AGMO: variants seen among roughly 807,000 people sequenced by gnomAD.
AGMO encodes the protein alkylglycerol monooxygenase.
AGMO carries 75 observed loss-of-function variants against 60.2 expected under a neutral mutation model. The observed-to-expected ratio is 1.25, with a 90% CI of 1.03 to 1.51. The LOEUF is 1.51. Among genes scored for constraint, AGMO ranks in the 40% most tolerant of loss-of-function variants. AGMO has a pLI of 0.00. For synonymous variants in AGMO, 261 were observed against 177.1 expected (o/e 1.47, Z -3.76); for missense variants, 763 against 525.5 (o/e 1.45, Z -4.42).
chr7:15,532,530 A>G (rs1339623592), intron 3 of AGMO, among the ~76,000 whole-genome samples: 1 of 152,180 alleles, frequency 6.6e-6, no homozygotes, highest in Non-Finnish European at 1.5e-5. Context: ...AACCTAGTAA[A>G]TACTAATTAA....
intron 8 of AGMO, among the ~76,000 whole-genome samples, chr7:15,389,636 C>CAG (rs1295354749): frequency 6.6e-6 from 1 of 152,154 alleles, no homozygotes; most frequent in Non-Finnish European, 1.5e-5. Flanking sequence ...CACTGTGTAT[C>CAG]AGTTAAATTG....
chr7:15,153,185 T>G, the AGMO span, among the ~76,000 whole-genome samples: 266 of 5,056 alleles, frequency 0.053, 2 homozygotes, highest in African/African-American at 0.1. Flanking sequence ...GATAGGATTG[T>G]TTTTTTTTTT....
intron 12 of AGMO, among the ~76,000 whole-genome samples, chr7:15,340,651 G>T (rs921502440): frequency 6.6e-6 from 1 of 152,192 alleles, no homozygotes; most frequent in South Asian, 2.1e-4. Context: ...GCTCCATGTG[G>T]TGTTGGTCCT....
chr7:15,490,026 G>A (rs1005004719), intron 3 of AGMO, among the ~76,000 whole-genome samples: 14 of 152,048 alleles, frequency 9.2e-5, no homozygotes, highest in African/African-American at 3.4e-4. Context: ...CACACTGAAT[G>A]GAAAAATATC....
At chr7:15,294,449 A>T (rs1163194799) in intron 12 of AGMO, among the ~76,000 whole-genome samples, 1 of 151,992 alleles carries the variant, frequency 6.6e-6, no homozygotes, top group East Asian at 1.9e-4. Context: ...GTAGAATAAT[A>T]TTTAACATAC....
At chr7:15,277,676 G>C (rs1783841684) in intron 12 of AGMO, among the ~76,000 whole-genome samples, 1 of 151,426 alleles carries the variant, frequency 6.6e-6, no homozygotes, top group African/African-American at 2.4e-5. Flanking sequence ...TCAATCTATA[G>C]GCTAATAAAT....
At chr7:15,492,993 A>G (rs926973973) in intron 3 of AGMO, among the ~76,000 whole-genome samples, 1 of 152,154 alleles carries the variant, frequency 6.6e-6, no homozygotes, top group Non-Finnish European at 1.5e-5. Flanking sequence ...TTTTACTACT[A>G]TAATCAAAGC....
intron 3 of AGMO, among the ~76,000 whole-genome samples, chr7:15,484,549 A>G (rs1020679645): frequency 5.3e-5 from 8 of 152,320 alleles, no homozygotes; most frequent in African/African-American, 1.9e-4. Context: ...ACACTTTTGT[A>G]TATATGCCAT....
intron 3 of AGMO, among the ~76,000 whole-genome samples, chr7:15,452,058 G>T (rs952815770): frequency 1.3e-5 from 2 of 152,074 alleles, no homozygotes; most frequent in Admixed American, 6.6e-5. Flanking sequence ...CATCTACAAG[G>T]ATTCAAATAT....
intron 12 of AGMO, among the ~76,000 whole-genome samples, chr7:15,281,075 G>A (rs978650127): frequency 6.6e-6 from 1 of 152,138 alleles, no homozygotes; most frequent in Non-Finnish European, 1.5e-5. Context: ...CCTAGGGGAA[G>A]GGGGAATGCA....
chr7:15,491,776 G>A (rs1236533411), intron 3 of AGMO, among the ~76,000 whole-genome samples: 1 of 152,160 alleles, frequency 6.6e-6, no homozygotes, highest in African/African-American at 2.4e-5. Flanking sequence ...AGAGATGAAA[G>A]AAAAATTATC....
intron 12 of AGMO, among the ~76,000 whole-genome samples, chr7:15,203,649 CAT>C (rs2115467528): frequency 6.6e-6 from 1 of 152,138 alleles, no homozygotes; most frequent in Admixed American, 6.6e-5. Context: ...CACTGTCCCA[CAT>C]GCCTTTATTA....
At chr7:15,285,508 T>C (rs929294376) in intron 12 of AGMO, among the ~76,000 whole-genome samples, 7 of 151,866 alleles carry the variant, frequency 4.6e-5, no homozygotes, top group African/African-American at 1.7e-4. Context: ...TAGGATATAC[T>C]TAAACAAGGA....
chr7:15,294,442 GAAT>G (rs1425600578), intron 12 of AGMO, among the ~76,000 whole-genome samples: 1 of 151,268 alleles, frequency 6.6e-6, no homozygotes, highest in East Asian at 1.9e-4. Flanking sequence ...CATAAATGTA[GAAT>G]AATATTTAAC....
At chr7:15,424,764 GAA>G (rs986241612) in intron 4 of AGMO, among the ~76,000 whole-genome samples, 1 of 152,138 alleles carries the variant, frequency 6.6e-6, no homozygotes, top group Non-Finnish European at 1.5e-5. Context: ...AAAGTTCTGA[GAA>G]AAGTTTTGTT....
downstream of AGMO, among the ~76,000 whole-genome samples, chr7:15,197,616 T>A (rs1781152806): frequency 1.3e-5 from 2 of 152,224 alleles, no homozygotes; most frequent in Non-Finnish European, 2.9e-5. Context: ...TGGAGGAAAC[T>A]GACAAGTCCT....
intron 3 of AGMO, among the ~76,000 whole-genome samples, chr7:15,517,106 C>A (rs1242572817): frequency 1.3e-5 from 2 of 151,800 alleles, no homozygotes; most frequent in Non-Finnish European, 2.9e-5. Context: ...TTCAACTCAT[C>A]AAGACAATAT....
chr7:15,484,370 A>T (rs1300815102), intron 3 of AGMO, among the ~76,000 whole-genome samples: 1 of 152,158 alleles, frequency 6.6e-6, no homozygotes, highest in Non-Finnish European at 1.5e-5. Context: ...GGAAAATTTA[A>T]TTTCCAGAAA....
intron 5 of AGMO, among the ~76,000 whole-genome samples, chr7:15,415,251 C>T (rs1583527824): frequency 6.6e-6 from 1 of 152,068 alleles, no homozygotes; most frequent in South Asian, 2.1e-4. Flanking sequence ...CACCCGCCAC[C>T]ATGCCCGGCT....
Sources: allele counts gnomAD v4.1 joint callset (sites outside exome capture counted in the v4.1 genomes callset), GRCh38; gene constraint gnomAD v4.1.1; transcripts MANE v1.5; gene names NCBI Gene and HGNC (gene_info 2026-07-23, HGNC 2026-07-21).